Variants in DPP6 observed in about 807,000 individuals in gnomAD.
The protein encoded by DPP6 is A-type potassium channel modulatory protein DPP6.
In DPP6, 69 loss-of-function variants were observed where a neutral mutation model predicts 122.6. The observed-to-expected ratio is 0.56, with a 90% CI of 0.46 to 0.69. The LOEUF is 0.69. Among genes scored for constraint, DPP6 ranks in the 30% least tolerant of loss-of-function variants. The pLI, the probability that DPP6 is intolerant of heterozygous loss-of-function variation, is 0.00. For missense variants in DPP6, 928 were observed against 1,116.9 expected, an observed-to-expected ratio of 0.83 and a Z score of 2.41; for synonymous variants, 418 against 433.1, an observed-to-expected ratio of 0.97 and a Z score of 0.43.
At chr7:154,747,602 G>A (rs923552705) in intron 8 of DPP6, among the ~76,000 whole-genome samples, 3 of 152,234 alleles carry the variant, frequency 2.0e-5, no homozygotes, top group South Asian at 2.1e-4. Flanking sequence ...AGGCACTCGC[G>A]AAGTGTAGCT....
chr7:153,995,268 C>G (rs1585148292), intron 1 of DPP6, among the ~76,000 whole-genome samples: 1 of 152,214 alleles, frequency 6.6e-6, no homozygotes, highest in East Asian at 1.9e-4. Flanking sequence ...AACATAAGGA[C>G]AGTTTATCCC....
intron 1 of DPP6, among the ~76,000 whole-genome samples, chr7:154,427,931 G>A (rs1198287359): frequency 6.6e-6 from 1 of 152,170 alleles, no homozygotes; most frequent in African/African-American, 2.4e-5. Context: ...ATTAAGCAAG[G>A]CTTTTGTGTG....
intron 16 of DPP6, among the ~76,000 whole-genome samples, chr7:154,812,464 T>TCCAAGA (rs921226839): frequency 6.6e-6 from 1 of 152,160 alleles, no homozygotes; most frequent in African/African-American, 2.4e-5. Context: ...AAGCTGGAAA[T>TCCAAGA]CCAAGACCAG....
chr7:154,742,020 C>A (rs1448976341), intron 8 of DPP6, among the ~76,000 whole-genome samples: 1 of 152,212 alleles, frequency 6.6e-6, no homozygotes, highest in Non-Finnish European at 1.5e-5. Flanking sequence ...TATTTCGAGC[C>A]CCTTCTGGGC....
the DPP6 span, among the ~76,000 whole-genome samples, chr7:153,791,063 T>C: frequency 3.9e-5 from 6 of 152,316 alleles, no homozygotes; most frequent in East Asian, 1.2e-3. Flanking sequence ...TTATAGACAA[T>C]CTTTTATTCA....
intron 1 of DPP6, among the ~76,000 whole-genome samples, chr7:154,083,001 A>G (rs1241961296): frequency 6.6e-6 from 1 of 151,852 alleles, no homozygotes; most frequent in Admixed American, 6.6e-5. Flanking sequence ...GGCGCCCGCC[A>G]CCATGCCCGG....
At chr7:154,151,404 C>T (rs1796413347) in intron 1 of DPP6, among the ~76,000 whole-genome samples, 1 of 152,194 alleles carries the variant, frequency 6.6e-6, no homozygotes, top group African/African-American at 2.4e-5. Flanking sequence ...CATTCCTGTG[C>T]TTGTAAGCCT....
the DPP6 span, among the ~76,000 whole-genome samples, chr7:153,852,698 C>G: frequency 6.6e-6 from 1 of 152,116 alleles, no homozygotes; most frequent in Admixed American, 6.5e-5. Flanking sequence ...TATGTCTGTG[C>G]TTATTTATGA....
chr7:154,775,122 G>T (rs1796482865), intron 10 of DPP6, among the ~76,000 whole-genome samples: 1 of 152,116 alleles, frequency 6.6e-6, no homozygotes, highest in South Asian at 2.1e-4. Context: ...ATTGCCCAGT[G>T]TCCCCAGATT....
At chr7:154,531,326 T>G (rs1827820910) in intron 3 of DPP6, among the ~76,000 whole-genome samples, 1 of 152,194 alleles carries the variant, frequency 6.6e-6, no homozygotes, top group African/African-American at 2.4e-5. Context: ...AATGGTTGAC[T>G]TCTCATTAAA....
intron 1 of DPP6, among the ~76,000 whole-genome samples, chr7:154,249,280 A>G (rs1802195978): frequency 6.6e-6 from 1 of 152,266 alleles, no homozygotes; most frequent in Non-Finnish European, 1.5e-5. Context: ...AAGCACAAAG[A>G]CAAGCATCCT....
At chr7:154,581,551 C>G (rs905868330) in intron 5 of DPP6, among the ~76,000 whole-genome samples, 1 of 152,168 alleles carries the variant, frequency 6.6e-6, no homozygotes, top group Non-Finnish European at 1.5e-5. Context: ...CTGGGGTGCC[C>G]TGTGATTCTC....
At chr7:154,367,494 A>G (rs1398239079) in intron 1 of DPP6, among the ~76,000 whole-genome samples, 1 of 152,240 alleles carries the variant, frequency 6.6e-6, no homozygotes, top group Non-Finnish European at 1.5e-5. Flanking sequence ...GCTTGGCCTT[A>G]TAAGAAAATC....
chr7:154,408,611 G>A (rs1816323339), intron 1 of DPP6, among the ~76,000 whole-genome samples: 4 of 152,048 alleles, frequency 2.6e-5, no homozygotes, highest in South Asian at 2.1e-4. Context: ...ATTGATACAC[G>A]GCTATTAACT....
intron 9 of DPP6, 71 bp downstream of exon 9, chr7:154,769,642 G>A: frequency 2.8e-6 from 4 of 1,435,970 alleles, no homozygotes; most frequent in Non-Finnish European, 3.7e-6. Context: ...CTCACTCAGT[G>A]TGCAGACGTG....
chr7:154,722,512 T>A (rs761701153), intron 7 of DPP6, among the ~76,000 whole-genome samples: 2 of 152,242 alleles, frequency 1.3e-5, no homozygotes, highest in African/African-American at 4.8e-5. Flanking sequence ...GATTTAAACT[T>A]TATTCTGAAG....
chr7:154,535,685 T>TAAA (rs34063841), intron 3 of DPP6, among the ~76,000 whole-genome samples: 1 of 144,228 alleles, frequency 6.9e-6, no homozygotes, highest in African/African-American at 2.5e-5. Context: ...TAATAAATTG[T>TAAA]AAAAAAAAAA....
At chr7:154,645,287 G>A (rs1586799653) in intron 6 of DPP6, among the ~76,000 whole-genome samples, 1 of 151,758 alleles carries the variant, frequency 6.6e-6, no homozygotes, top group Non-Finnish European at 1.5e-5. Context: ...GGATGGTCTC[G>A]ATCTCCTGAC....
chr7:154,502,141 G>A (rs148614723), intron 3 of DPP6, among the ~76,000 whole-genome samples: 105 of 152,268 alleles, frequency 6.9e-4, no homozygotes, highest in Admixed American at 6.1e-3. Context: ...CCCAATGCCT[G>A]TACCCCCATT....
Sources: gnomAD v4.1 joint callset for allele counts (sites outside exome capture counted in the v4.1 genomes callset) on GRCh38, gnomAD v4.1.1 for gene constraint, MANE v1.5 for transcripts, NCBI Gene and HGNC (gene_info 2026-07-23, HGNC 2026-07-21) for gene names.